KCNQ1: variants seen among roughly 807,000 people sequenced by gnomAD.
KCNQ1 encodes potassium voltage-gated channel subfamily KQT member 1.
KCNQ1 carries 49 observed loss-of-function variants against 72.4 expected under a neutral mutation model. The ratio of observed to expected loss-of-function variants is 0.68; its 90% CI spans 0.54 to 0.86. The LOEUF (loss-of-function observed/expected upper bound fraction) is 0.86. KCNQ1 is among the 40% of genes least tolerant of loss of function. The probability of loss-of-function intolerance (pLI) is 0.00; values close to 1 mark genes in which losing one functional copy is unlikely to be tolerated. For synonymous variants in KCNQ1, 450 were observed against 412.6 expected (o/e 1.09, Z -1.10); for missense variants, 790 against 945.1 (o/e 0.84, Z 2.15).
intron 2 of KCNQ1, among the ~76,000 whole-genome samples, chr11:2,560,458 G>C (rs1564816890): frequency 1.0e-5 from 1 of 98,972 alleles, no homozygotes; most frequent in South Asian, 4.7e-4. Flanking sequence ...CATCCTGGGG[G>C]GACGGGGGGT....
At position 2,492,462 on chromosome 11, in the gene KCNQ1, T is replaced by G. The variant is rs1564796331; in HGVS notation, c.387-35466T>G. Among the ~76,000 whole-genome samples the G allele has an allele frequency of 6.6e-6, 1 of 152,160 alleles. No individual in the cohort carries two copies. Among genetic ancestry groups the G allele is most frequent in the Non-Finnish European group, 1.5e-5 (1 of 68,034 alleles). ...GCACCTATCAACCCATCATCTAGGT[T>G]TTAAGCCCTACATGCATTAGGTATT... On this transcript the variant is annotated intron_variant, in intron 1 of 15. Coordinates refer to ENST00000155840, the MANE Select transcript of KCNQ1 (RefSeq NM_000218.3). The surrounding 1 kb of genome is among the most constrained non-coding windows in gnomAD (Gnocchi z 4.1).
At position 2,826,742 on chromosome 11, in the gene KCNQ1, G is replaced by A. The variant is rs1234405265; in HGVS notation, c.1795-21025G>A. Reference sequence around the variant, plus strand: ...CCCCTCGTCTTGGGGCCCCTGCCCTGCCTCCACTCAGAATCCCACTATGTG... The same window carrying A: ...CCCCTCGTCTTGGGGCCCCTGCCCTACCTCCACTCAGAATCCCACTATGTG... On this transcript the variant is annotated intron_variant, in intron 15 of 15. Transcript: ENST00000155840. This position sits in a 1 kb window ranked among gnomAD's most constrained non-coding sequence, Gnocchi z 4.2. Among the ~76,000 whole-genome samples the A allele has an allele frequency of 6.6e-6, 1 of 152,190 alleles. No individual in the cohort carries two copies. Among genetic ancestry groups the A allele is most frequent in the Non-Finnish European group, 1.5e-5 (1 of 68,036 alleles).
chr11:2,787,405 T>C lies in KCNQ1; in HGVS notation c.1794+9368T>C, dbSNP rs1309725709. Among the ~76,000 whole-genome samples, 1 of 152,104 alleles carries C rather than the reference T, an allele frequency of 6.6e-6. No individual in the cohort carries two copies. The highest frequency in any genetic ancestry group is 1.5e-5 in the Non-Finnish European group (1 of 68,036). On this transcript the variant is annotated intron_variant, in intron 15 of 15. Coordinates refer to ENST00000155840, the MANE Select transcript of KCNQ1 (RefSeq NM_000218.3). The surrounding 1 kb of genome is among the most constrained non-coding windows in gnomAD (Gnocchi z 6.3). ...CTGGTGAAACCAAAGCTCAAGTTCATCTCACTCATCAAATACCTTCAGGGC... is the reference window on the plus strand; with the variant it reads ...CTGGTGAAACCAAAGCTCAAGTTCACCTCACTCATCAAATACCTTCAGGGC...
rs1415384223 is a variant in KCNQ1 at position 2,768,937 on chromosome 11, C to G, written c.1590+18C>G. ...AATTCCAGGTAAGCCCTGTGCTGAG[C>G]CTTCCTGCCCTCAGCCTGCCCCTCG... is the stretch of plus-strand genomic sequence containing the variant. On this transcript the variant is annotated intron_variant, in intron 12 of 15. Transcript: ENST00000155840. The surrounding 1 kb of genome is among the most constrained non-coding windows in gnomAD (Gnocchi z 6.7). 9.4e-6 allele frequency: 15 copies of G among 1,596,058 alleles called. No individual in the cohort carries two copies. Among genetic ancestry groups the G allele is most frequent in the East Asian group, 2.2e-5 (1 of 44,766 alleles).
At chr11:2,531,066 G>A (rs1259471489) in intron 2 of KCNQ1, among the ~76,000 whole-genome samples, 5 of 152,154 alleles carry the variant, frequency 3.3e-5, no homozygotes, top group Admixed American at 6.5e-5. Context: ...GCACCACAGC[G>A]TCCAAGTTCA....
At chr11:2,729,051 T>C (rs1194369309) in intron 11 of KCNQ1, among the ~76,000 whole-genome samples, 1 of 152,148 alleles carries the variant, frequency 6.6e-6, no homozygotes, top group African/African-American at 2.4e-5. Flanking sequence ...CAATAGCCCG[T>C]TTATGTAGCA....
At chr11:2,574,133 G>C (rs1253428225) in intron 6 of KCNQ1, among the ~76,000 whole-genome samples, 1 of 152,208 alleles carries the variant, frequency 6.6e-6, no homozygotes, top group Non-Finnish European at 1.5e-5. Flanking sequence ...CCAGAGTGCA[G>C]GGAGGGAATG....
intron 11 of KCNQ1, among the ~76,000 whole-genome samples, chr11:2,727,524 A>G (rs1406000109): frequency 2.0e-5 from 3 of 152,162 alleles, no homozygotes; most frequent in Non-Finnish European, 4.4e-5. Flanking sequence ...GCTTAACAGA[A>G]TGATGGCTGT....
At chr11:2,466,616 TCAG>T (rs1846356208) in intron 1 of KCNQ1, among the ~76,000 whole-genome samples, 1 of 152,124 alleles carries the variant, frequency 6.6e-6, no homozygotes, top group South Asian at 2.1e-4. Context: ...GGCACAGCCA[TCAG>T]CAGGCCAGAA....
Position 2,663,066 on chromosome 11 carries a change from T to TTGGTTCTC in KCNQ1, c.1514+988_1514+989insTTCTCTGG, listed in dbSNP as rs1232808553. On this transcript the variant is annotated intron_variant, in intron 11 of 15. Transcript: ENST00000155840. This position sits in a 1 kb window ranked among gnomAD's most constrained non-coding sequence, Gnocchi z 5.2. The stretch of plus-strand genomic sequence containing the variant: ...AGGTGTAACCAGAGAACTGGCAGGG[T>TTGGTTCTC]TGGGTAGCCAGAATGAGGCCACCTC... 791 of 398,432 alleles carry TTGGTTCTC rather than the reference T, an allele frequency of 2.0e-3. 2 individuals are homozygous for TTGGTTCTC. The highest frequency in any genetic ancestry group is 2.6e-3 in the Non-Finnish European group (578 of 226,076). 24.7% of individuals were successfully genotyped at this position (398,432 alleles called of 1,614,324 possible). A position where few individuals can be genotyped will look rare whatever the true frequency, so the allele number is the denominator to read the frequency against.
At position 2,759,007 on chromosome 11, in the gene KCNQ1, A is replaced by G. The variant is rs1048146298; in HGVS notation, c.1515-9837A>G. Among the ~76,000 whole-genome samples the G allele has an allele frequency of 1.5e-4, 23 of 152,112 alleles. No homozygotes were observed. The highest frequency in any genetic ancestry group is 3.4e-4 in the Non-Finnish European group (23 of 68,022). On this transcript the variant is annotated intron_variant, in intron 11 of 15. Coordinates refer to ENST00000155840, the MANE Select transcript of KCNQ1 (RefSeq NM_000218.3). This position sits in a 1 kb window ranked among gnomAD's most constrained non-coding sequence, Gnocchi z 4.4. ...GTGTGAACACAAGGCAGAGCCACGC[A>G]CACTGTACCAATGTCAATCTCCTGG...
At chr11:2,629,547 G>A (rs1233108670) in intron 10 of KCNQ1, 1 of 398,396 alleles carries the variant, frequency 2.5e-6, no homozygotes, top group Non-Finnish European at 4.4e-6. Context: ...TCTCTCACGT[G>A]AGGATATCCA....
intron 1 of KCNQ1, chr11:2,461,636 G>A (rs768249738): frequency 2.7e-5 from 37 of 1,365,838 alleles, no homozygotes; most frequent in Admixed American, 1.7e-4. Context: ...TCTGGCTCTC[G>A]GGAATTTGAG....
At chr11:2,459,730 T>A (rs1180613162) in intron 1 of KCNQ1, among the ~76,000 whole-genome samples, 1 of 151,958 alleles carries the variant, frequency 6.6e-6, no homozygotes, top group East Asian at 1.9e-4. Flanking sequence ...CTACAAAGAG[T>A]TCCCCCTTTG....
intron 10 of KCNQ1, chr11:2,660,087 T>G: frequency 2.5e-6 from 1 of 398,464 alleles, no homozygotes; most frequent in Non-Finnish European, 4.4e-6. Context: ...CGAGTTAAAC[T>G]TTTGGTTTCG....
In KCNQ1 at chr11:2,608,671, G is replaced by A. The variant is rs936583367; in HGVS notation, c.1393+19817G>A. ...TAGAGATAGGGTCTTGCTTTGTTGT[G>A]CATGCTATTCTTGAACTCCTGGCCA... On this transcript the variant is annotated intron_variant, in intron 10 of 15. Transcript: ENST00000155840. The surrounding 1 kb of genome is among the most constrained non-coding windows in gnomAD (Gnocchi z 4.6). 13 of 398,346 alleles carry A rather than the reference G, an allele frequency of 3.3e-5. No homozygotes were observed. Among genetic ancestry groups the A allele is most frequent in the Non-Finnish European group, 5.7e-5 (13 of 226,090 alleles). The allele number at this position is 398,346 out of a possible 1,614,324, so 24.7% of individuals were successfully genotyped here.
chr11:2,475,566 A>T lies in KCNQ1; in HGVS notation c.386+30082A>T, dbSNP rs543132939. Among the ~76,000 whole-genome samples, 4 of 152,364 alleles carry T rather than the reference A, an allele frequency of 2.6e-5. No homozygotes were observed. The South Asian group carries it at 8.3e-4, about 32-fold the overall frequency. ...ATAGCAGACATTCCATTCAACCTTC[A>T]TCTCAAAGAATTAGGGCAAGGAGGG... On this transcript the variant is annotated intron_variant, in intron 1 of 15. Transcript: ENST00000155840. This position sits in a 1 kb window ranked among gnomAD's most constrained non-coding sequence, Gnocchi z 5.8.
Position 2,617,456 on chromosome 11 carries a change from T to C in KCNQ1, c.1393+28602T>C, listed in dbSNP as rs561193603. The C allele has an allele frequency of 2.8e-4, 113 of 398,468 alleles. No individual in the cohort carries two copies. The highest frequency in any genetic ancestry group is 4.3e-4 in the Non-Finnish European group (98 of 225,954). 24.7% of individuals were successfully genotyped at this position (398,468 alleles called of 1,614,324 possible). On this transcript the variant is annotated intron_variant, in intron 10 of 15. Transcript: ENST00000155840. The surrounding 1 kb of genome is among the most constrained non-coding windows in gnomAD (Gnocchi z 4.6). ...CATTGTAGACATACACACCACAGTT[T>C]AGTCATCCATCAATGGACACGTAAG...
At chr11:2,685,350 A>C in intron 11 of KCNQ1, 1 of 398,702 alleles carries the variant, frequency 2.5e-6, no homozygotes, top group Non-Finnish European at 4.4e-6. Context: ...TGGAGGGTAC[A>C]TGGGCAGGTA....
Sources: gnomAD v4.1 joint callset for allele counts (sites outside exome capture counted in the v4.1 genomes callset) on GRCh38, gnomAD v4.1.1 for gene constraint, Gnocchi (gnomAD v3.1) non-coding constraint, MANE v1.5 for transcripts, NCBI Gene and HGNC (gene_info 2026-07-23, HGNC 2026-07-21) for gene names.